Variants in PIAS1 observed in about 807,000 individuals in gnomAD.
PIAS1 encodes E3 SUMO-protein ligase PIAS1.
In PIAS1, 6 loss-of-function variants were observed where a neutral mutation model predicts 71.3. That is an observed-to-expected ratio of 0.08 (90% CI 0.05 to 0.17). PIAS1 has a LOEUF of 0.17. Ranked by LOEUF, PIAS1 falls within the 10% of genes least tolerant of loss-of-function variation. The pLI is 1.00. For synonymous variants in PIAS1, 303 were observed against 292.9 expected (o/e 1.03, Z -0.35); for missense variants, 555 against 793.6 (o/e 0.70, Z 3.61).
rs1403048333 is a variant in PIAS1 at position 68,178,345 on chromosome 15, G to A, written c.1481+1691G>A. On this transcript the variant is annotated intron_variant, in intron 11 of 13. Transcript: ENST00000249636. This position sits in a 1 kb window ranked among gnomAD's most constrained non-coding sequence, Gnocchi z 4.2. ...CTACAGTAGTCCATCTTGGCATACA[G>A]ACAGAAACAAAGACATTAAAAACAG... Among the ~76,000 whole-genome samples the A allele has an allele frequency of 6.6e-6, 1 of 152,296 alleles. No individual in the cohort carries two copies. The highest frequency in any genetic ancestry group is 2.4e-5 in the African/African-American group (1 of 41,558).
rs550899680 is a variant in PIAS1 at position 68,083,596 on chromosome 15, C to A, written c.25-2710C>A. Among the ~76,000 whole-genome samples, 3 of 152,126 alleles carry A rather than the reference C, an allele frequency of 2.0e-5. No homozygotes were observed. In the East Asian group the frequency reaches 5.8e-4, roughly 29 times the overall value. On this transcript the variant is annotated intron_variant, in intron 1 of 13. Transcript: ENST00000249636. Reference sequence around the variant, plus strand: ...GTTATCCAATTAAAGGCATGTGGTTCGTTTCCTCTTAATGTCAACATATTA... The same window carrying A: ...GTTATCCAATTAAAGGCATGTGGTTAGTTTCCTCTTAATGTCAACATATTA...
At chr15:68,128,927 T>G (rs1413499664) in intron 2 of PIAS1, among the ~76,000 whole-genome samples, 2 of 152,056 alleles carry the variant, frequency 1.3e-5, no homozygotes, top group African/African-American at 4.8e-5. Context: ...TAGAAATAAT[T>G]TTTTTTCTCT....
At chr15:68,116,106 G>A (rs909521912) in intron 2 of PIAS1, among the ~76,000 whole-genome samples, 1 of 151,502 alleles carries the variant, frequency 6.6e-6, no homozygotes, top group African/African-American at 2.4e-5. Context: ...AAGAGTTTGT[G>A]TAGAATCAAT....
chr15:68,155,557 T>C (rs2092883411), intron 7 of PIAS1, among the ~76,000 whole-genome samples: 1 of 150,486 alleles, frequency 6.6e-6, no homozygotes, highest in Non-Finnish European at 1.5e-5. Context: ...TTTAAAAGAG[T>C]CAAATCAGTT....
intron 1 of PIAS1, among the ~76,000 whole-genome samples, chr15:68,076,859 T>TG (rs993761473): frequency 6.6e-6 from 1 of 152,178 alleles, no homozygotes; most frequent in Non-Finnish European, 1.5e-5. Flanking sequence ...TGTTTACCCT[T>TG]GAAAAACTCA....
At position 68,189,644 on chromosome 15, in the gene PIAS1, G is replaced by A. The variant is rs552110281; in HGVS notation, c.*1809G>A. Reference sequence around the variant, plus strand: ...AGTTGGTGTTGATATGTATATGTGTGTGTGTATATATGTATTTATAAACAA... The same window carrying A: ...AGTTGGTGTTGATATGTATATGTGTATGTGTATATATGTATTTATAAACAA... On this transcript the variant is annotated 3_prime_UTR_variant, in exon 14 of 14. Transcript: ENST00000249636. 6.6e-6 allele frequency: 1 copy of A among 152,180 alleles called. No homozygotes were observed. The highest frequency in any genetic ancestry group is 2.1e-4 in the South Asian group (1 of 4,832). 9.4% of individuals were successfully genotyped at this position (152,180 alleles called of 1,614,324 possible).
intron 9 of PIAS1, among the ~76,000 whole-genome samples, chr15:68,175,005 CTT>C (rs1184293244): frequency 1.3e-5 from 2 of 152,122 alleles, no homozygotes; most frequent in African/African-American, 4.8e-5. Context: ...CACACATACT[CTT>C]TTAAAGAAAA....
In PIAS1 at chr15:68,187,771, A is replaced by T; in HGVS notation, c.1892A>T (p.Asn631Ile). ...LRESHSHTVTNRSSTDTASIF... is the reference protein window; with the variant it reads ...LRESHSHTVTIRSSTDTASIF... ...GAAAGCCATAGCCACACCGTCACAA[A>T]CAGGAGCAGCACGGACACGGCATCC... Residue 631 changes from asparagine (N) to isoleucine (I), a missense_variant, in exon 14 of 14, where the codon AAC becomes ATC. This residue lies in a region of PIAS1 where 244 missense variants were observed against 307.5 expected (regional missense o/e 0.79). Coordinates refer to ENST00000249636, the MANE Select transcript of PIAS1 (RefSeq NM_016166.3). This position sits in a 1 kb window ranked among gnomAD's most constrained non-coding sequence, Gnocchi z 5.3. 1 of 1,613,918 alleles carries T rather than the reference A, an allele frequency of 6.2e-7. No individual in the cohort carries two copies. Among genetic ancestry groups the T allele is most frequent in the Non-Finnish European group, 8.5e-7 (1 of 1,179,870 alleles).
chr15:68,140,320 T>C (rs1168451972), intron 2 of PIAS1, among the ~76,000 whole-genome samples: 1 of 152,198 alleles, frequency 6.6e-6, no homozygotes, highest in African/African-American at 2.4e-5. Context: ...TTTTTAAAAA[T>C]AGAGCCAACG....
At position 68,178,031 on chromosome 15, in the gene PIAS1, C is replaced by G. The variant is rs1317997864; in HGVS notation, c.1481+1377C>G. Among the ~76,000 whole-genome samples the G allele has an allele frequency of 6.6e-6, 1 of 152,182 alleles. No homozygotes were observed. The highest frequency in any genetic ancestry group is 1.5e-5 in the Non-Finnish European group (1 of 68,034). On this transcript the variant is annotated intron_variant, in intron 11 of 13. Coordinates refer to ENST00000249636, the MANE Select transcript of PIAS1 (RefSeq NM_016166.3). The surrounding 1 kb of genome is among the most constrained non-coding windows in gnomAD (Gnocchi z 4.2). ...TCTGTGCCTGGAGTCAAATCATTTT[C>G]AGGTTTGACATTGTATGATGAGATT...
intron 2 of PIAS1, among the ~76,000 whole-genome samples, chr15:68,127,217 C>T (rs975929539): frequency 9.9e-5 from 15 of 152,130 alleles, no homozygotes; most frequent in Admixed American, 2.6e-4. Flanking sequence ...AGCCACCGCG[C>T]CTGGTCATTT....
chr15:68,067,591 A>G (rs181849473), intron 1 of PIAS1, among the ~76,000 whole-genome samples: 3 of 152,242 alleles, frequency 2.0e-5, no homozygotes, highest in African/African-American at 7.2e-5. Flanking sequence ...GAAGCTTATA[A>G]TACAAACTAT....
chr15:68,142,106 G>A, intron 3 of PIAS1, 76 bp downstream of exon 3: 1 of 1,054,128 alleles, frequency 9.5e-7, no homozygotes, highest in Non-Finnish European at 1.4e-6. Flanking sequence ...TTAAAAAACA[G>A]TGATTGGTGA....
chr15:68,088,768 T>C (rs1406963295), intron 2 of PIAS1, among the ~76,000 whole-genome samples: 1 of 152,148 alleles, frequency 6.6e-6, no homozygotes, highest in Non-Finnish European at 1.5e-5. Context: ...AGGCTCTGTT[T>C]TTATAAATTC....
At chr15:68,159,740 C>A (rs1241798342) in intron 7 of PIAS1, among the ~76,000 whole-genome samples, 2 of 152,056 alleles carry the variant, frequency 1.3e-5, no homozygotes, top group African/African-American at 2.4e-5. Context: ...TGGATTATTT[C>A]CAGTTTTGCA....
intron 2 of PIAS1, among the ~76,000 whole-genome samples, chr15:68,119,502 T>G (rs2141018424): frequency 1.3e-5 from 2 of 152,186 alleles, no homozygotes; most frequent in Middle Eastern, 6.8e-3. Context: ...TTTCTGTTAT[T>G]TAGTTTAATT....
chr15:68,168,383 C>T (rs767275780), intron 8 of PIAS1, among the ~76,000 whole-genome samples: 4 of 152,020 alleles, frequency 2.6e-5, no homozygotes, highest in Non-Finnish European at 4.4e-5. Context: ...ATTTTTAGGG[C>T]TTTTTAAAAA....
intron 7 of PIAS1, among the ~76,000 whole-genome samples, chr15:68,161,411 G>T (rs1012858913): frequency 6.6e-6 from 1 of 151,590 alleles, no homozygotes; most frequent in Non-Finnish European, 1.5e-5. Flanking sequence ...TCAAGATCCC[G>T]GTAGGACCTT....
In PIAS1 at chr15:68,056,226, A is replaced by G. The variant is rs2091894538; in HGVS notation, c.24+1876A>G. 2.0e-5 allele frequency among the ~76,000 whole-genome samples: 3 copies of G among 152,248 alleles called. No homozygotes were observed. In the South Asian group the frequency reaches 6.2e-4, roughly 31 times the overall value. Reference sequence around the variant, plus strand: ...TAATCAGTTGTTATACATGGACCATAGAATAAAGCTGAAAAGCATGTGCAG... The same window carrying G: ...TAATCAGTTGTTATACATGGACCATGGAATAAAGCTGAAAAGCATGTGCAG... On this transcript the variant is annotated intron_variant, in intron 1 of 13. Transcript: ENST00000249636.
Sources: gnomAD v4.1 joint callset for allele counts (sites outside exome capture counted in the v4.1 genomes callset) on GRCh38, gnomAD v4.1.1 for gene constraint, gnomAD v4.1.1 regional missense constraint, Gnocchi (gnomAD v3.1) non-coding constraint, MANE v1.5 for transcripts, NCBI Gene and HGNC (gene_info 2026-07-23, HGNC 2026-07-21) for gene names.